Variants in EXOSC3 observed in about 807,000 individuals in gnomAD.
EXOSC3 encodes exosome complex component RRP40.
In EXOSC3, 18 loss-of-function variants were observed where a neutral mutation model predicts 25.1. The observed-to-expected ratio is 0.72, with a 90% confidence interval of 0.50 to 1.06. The LOEUF is 1.06. Ranked by LOEUF, EXOSC3 falls within the 50% of genes least tolerant of loss-of-function variation. The pLI is 0.00. For synonymous variants in EXOSC3, 165 were observed against 132.2 expected (o/e 1.25, Z -1.70); for missense variants, 382 against 350.9 (o/e 1.09, Z -0.71).
Position 37,783,877 on chromosome 9 carries a change from T to C in EXOSC3, c.474+37A>G, listed in dbSNP as rs1408908519. 8 of 1,599,554 alleles carry C rather than the reference T, an allele frequency of 5.0e-6. 1 individual carries two copies. The African/African-American group carries it at 5.4e-5, about 11-fold the overall frequency. ...ATATGTGAGTGTTCTAGGGAATGGA[T>C]GTTTGTTTCTTTGAAACCAAAGGCT... On this transcript the variant is annotated intron_variant, in intron 2 of 3. Coordinates refer to ENST00000327304, the MANE Select transcript of EXOSC3 (RefSeq NM_016042.4).
At position 37,780,673 on chromosome 9, in the gene EXOSC3, C is replaced by A; in HGVS notation, c.*6G>T. 3 of 1,612,480 alleles carry A rather than the reference C, an allele frequency of 1.9e-6. No individual in the cohort carries two copies. The highest frequency in any genetic ancestry group is 2.2e-5 in the South Asian group (2 of 90,978). ...CTCAACTGACCTGTAAAAAAGTCCA[C>A]CTATATCAACTTTCTGCCAATCTGG... On this transcript the variant is annotated 3_prime_UTR_variant, in exon 4 of 4. Transcript: ENST00000327304.
chr9:37,784,184 C>CT, intron 1 of EXOSC3, 121 bp from the exon 2 acceptor site: 1 of 1,086,638 alleles, frequency 9.2e-7, no homozygotes, highest in South Asian at 1.7e-5. Context: ...TCAAATGCCA[C>CT]TTTCGGTAAA....
Position 37,782,005 on chromosome 9 carries a change from T to C in EXOSC3, c.607A>G (p.Thr203Ala). ...ACTTACTTTCTAATTAAGCCCAGAGTCACTTTAAAAAGCAGACCATCCTGT... is the reference window on the plus strand; with the variant it reads ...ACTTACTTTCTAATTAAGCCCAGAGCCACTTTAAAAAGCAGACCATCCTGT... ...IGQDGLLFKVTLGLIRKLLAP... is the reference protein window; with the variant it reads ...IGQDGLLFKVALGLIRKLLAP... Residue 203 changes from threonine (T) to alanine (A), a missense_variant, in exon 3 of 4, where the codon ACT becomes GCT. Thr to Ala is a moderately conservative substitution (Grantham distance 58). Transcript: ENST00000327304. 6.2e-7 allele frequency: 1 copy of C among 1,613,552 alleles called. No individual in the cohort carries two copies. Among genetic ancestry groups the C allele is most frequent in the Non-Finnish European group, 8.5e-7 (1 of 1,179,870 alleles).
chr9:37,782,851 A>G (rs1828624706), intron 2 of EXOSC3, among the ~76,000 whole-genome samples: 1 of 152,202 alleles, frequency 6.6e-6, no homozygotes, highest in Non-Finnish European at 1.5e-5. Context: ...CTTGGAGGGC[A>G]GTGGGGAGGT....
chr9:37,783,198 G>A (rs971571397), intron 2 of EXOSC3, among the ~76,000 whole-genome samples: 25 of 152,286 alleles, frequency 1.6e-4, no homozygotes, highest in African/African-American at 5.5e-4. Flanking sequence ...GAAAGTGACC[G>A]TGTGAGGATG....
chr9:37,784,648 T>C, intron 1 of EXOSC3, 73 bp downstream of exon 1: 1 of 1,455,862 alleles, frequency 6.9e-7, no homozygotes, highest in Non-Finnish European at 9.1e-7. Flanking sequence ...GTCCCTCTCT[T>C]CTTTTGGGAG....
rs745785017 is a variant in EXOSC3, at chr9:37,784,843, C to T, written c.202G>A (p.Gly68Ser). Reference sequence around the variant, plus strand: ...TCCCCACAGCGCCGAAGGCCCGGACCGCATACAACGCGCACCCGCGAGCAC... The same window carrying T: ...TCCCCACAGCGCCGAAGGCCCGGACTGCATACAACGCGCACCCGCGAGCAC... ...RACSRVRVVC[G>S]PGLRRCGDRL... The change falls in exon 1 of 4, where the codon GGT (glycine) becomes AGT (serine). Residue 68 changes from glycine (G) to serine (S), a missense_variant. Transcript: ENST00000327304. 5 of 1,608,290 alleles carry T rather than the reference C, an allele frequency of 3.1e-6. No homozygotes were observed. The highest frequency in any genetic ancestry group is 2.2e-5 in the South Asian group (2 of 90,310).
intron 2 of EXOSC3, 104 bp from the exon 3 acceptor site, chr9:37,782,241 G>A: frequency 8.0e-7 from 1 of 1,242,880 alleles, no homozygotes; most frequent in Non-Finnish European, 1.1e-6. Flanking sequence ...CAGTTCTGTG[G>A]CTAAGGGACT....
chr9:37,782,207 A>C, intron 2 of EXOSC3, 70 bp from the exon 3 acceptor site: 22 of 1,545,926 alleles, frequency 1.4e-5, no homozygotes, highest in Non-Finnish European at 1.9e-5. Context: ...GTTCTTTCTC[A>C]CAGGCATCAA....
In EXOSC3 at chr9:37,783,933, CTTTTA is replaced by C; in HGVS notation, c.450_454del (p.Arg152GlnfsTer18). ...AATTACCTGCACATTTGGTCTGTTT[CTTTTA>C]GTTGCACCTTCAAATGACAAGTAAG... On this transcript the variant is annotated frameshift_variant, in exon 2 of 4. Coordinates refer to ENST00000327304, the MANE Select transcript of EXOSC3 (RefSeq NM_016042.4). LOFTEE classifies it high-confidence loss of function. 1 of 1,612,250 alleles carries C rather than the reference CTTTTA, an allele frequency of 6.2e-7. No individual in the cohort carries two copies. The highest frequency in any genetic ancestry group is 8.5e-7 in the Non-Finnish European group (1 of 1,179,832).
At position 37,784,855 on chromosome 9, in the gene EXOSC3, G is replaced by A. The variant is rs896170471; in HGVS notation, c.190C>T (p.Arg64Cys). Residue 64 changes from arginine (R) to cysteine (C), a missense_variant, in exon 1 of 4, where the codon CGC (arginine) becomes TGC (cysteine). By Grantham distance (180) the Arg-to-Cys change is radical. Transcript: ENST00000327304. Reference protein sequence around the residue: ...SLNARACSRVRVVCGPGLRRC... With the variant: ...SLNARACSRVCVVCGPGLRRC... The stretch of plus-strand genomic sequence containing the variant: ...CGAAGGCCCGGACCGCATACAACGC[G>A]CACCCGCGAGCACGCTCTAGCATTC... The A allele has an allele frequency of 1.2e-6, 2 of 1,607,140 alleles. No homozygotes were observed. The highest frequency in any genetic ancestry group is 1.7e-5 in the Admixed American group (1 of 59,016).
chr9:37,784,716 C>T lies in EXOSC3; in HGVS notation c.324+5G>A. On this transcript the variant is annotated splice_donor_5th_base_variant and intron_variant, in intron 1 of 3. Transcript: ENST00000327304. ...CCGCACCACCCCTCCGGAGTCCCAG[C>T]TCACCCGCTTCTGCTGAGAGTCCAC... 1 of 1,586,064 alleles carries T rather than the reference C, an allele frequency of 6.3e-7. No homozygotes were observed. Among genetic ancestry groups the T allele is most frequent in the Non-Finnish European group, 8.6e-7 (1 of 1,169,320 alleles).
In EXOSC3 at chr9:37,785,009, G is replaced by C. The variant is rs766464639; in HGVS notation, c.36C>G (p.Leu12=). ...AEPASVAAES[L]AGSRARAART... ...GTGCAGCGCGCGCCCTGCTGCCCGC[G>C]AGAGATTCAGCCGCGACAGACGCAG... The change falls in exon 1 of 4, where the codon CTC becomes CTG. Residue 12 remains leucine (L), a synonymous_variant. Transcript: ENST00000327304. The C allele has an allele frequency of 4.4e-6, 7 of 1,604,174 alleles. No individual in the cohort carries two copies. The highest frequency in any genetic ancestry group is 4.5e-5 in the East Asian group (2 of 44,616).
intron 2 of EXOSC3, 179 bp downstream of exon 2, chr9:37,783,735 A>T: frequency 2.3e-6 from 1 of 440,510 alleles, no homozygotes; most frequent in Non-Finnish European, 3.9e-6. Flanking sequence ...AAATAATAAT[A>T]ATAATTATGT....
chr9:37,781,942 T>C lies in EXOSC3; in HGVS notation c.626+44A>G, dbSNP rs200567248. The C allele has an allele frequency of 4.8e-4, 753 of 1,574,374 alleles. 7 individuals are homozygous for C. The highest frequency in any genetic ancestry group is 2.6e-3 in the South Asian group (218 of 85,172). On this transcript the variant is annotated intron_variant, in intron 3 of 3. Transcript: ENST00000327304. ...AAGATTAACCAACTTTCCAAGAATG[T>C]ATAATTATAAAAAGCAGTCAAGCCA... is the stretch of plus-strand genomic sequence containing the variant.
chr9:37,784,625 A>G, intron 1 of EXOSC3, 96 bp downstream of exon 1: 1 of 1,351,114 alleles, frequency 7.4e-7, no homozygotes, highest in Middle Eastern at 1.9e-4. Flanking sequence ...CCTGAACAAA[A>G]GAGGGCCTCA....
At chr9:37,783,395 A>G (rs1365124374) in intron 2 of EXOSC3, among the ~76,000 whole-genome samples, 2 of 152,226 alleles carry the variant, frequency 1.3e-5, no homozygotes, top group South Asian at 4.1e-4. Context: ...TTGCATGAGA[A>G]GTGAATGAGA....
chr9:37,784,169 T>C, intron 1 of EXOSC3, 106 bp from the exon 2 acceptor site: 2 of 1,218,384 alleles, frequency 1.6e-6, no homozygotes, highest in South Asian at 3.1e-5. Context: ...TAAAGAGAAA[T>C]CTGATCAAAT....
intron 2 of EXOSC3, among the ~76,000 whole-genome samples, chr9:37,782,632 C>G (rs1275231115): frequency 6.6e-6 from 1 of 152,134 alleles, no homozygotes; most frequent in Non-Finnish European, 1.5e-5. Context: ...TTATTCAAAG[C>G]AAAATCAAAC....
Sources: gnomAD v4.1 joint callset for allele counts (sites outside exome capture counted in the v4.1 genomes callset) on GRCh38, gnomAD v4.1.1 for gene constraint, MANE v1.5 for transcripts, NCBI Gene and HGNC (gene_info 2026-07-23, HGNC 2026-07-21) for gene names.